Variants in GSAP observed in about 807,000 individuals in gnomAD.
GSAP encodes gamma-secretase activating protein.
In GSAP, 118 loss-of-function variants were observed where a neutral mutation model predicts 131.7. The ratio of observed to expected loss-of-function variants is 0.90; its 90% CI spans 0.77 to 1.04. The LOEUF is 1.04. GSAP is among the 50% of genes least tolerant of loss of function. GSAP has a pLI of 0.00. For synonymous variants in GSAP, 381 were observed against 363.4 expected (o/e 1.05, Z -0.55); for missense variants, 1,019 against 1,013.2 (o/e 1.01, Z -0.08).
intron 1 of GSAP, among the ~76,000 whole-genome samples, chr7:77,411,851 A>G (rs985612994): frequency 1.3e-5 from 2 of 152,226 alleles, no homozygotes; most frequent in African/African-American, 4.8e-5. Context: ...TTACCCTACC[A>G]GTTATCAATA....
chr7:77,381,407 A>T, intron 7 of GSAP, 53 bp from the exon 8 acceptor site: 1 of 912,640 alleles, frequency 1.1e-6, no homozygotes, highest in Non-Finnish European at 1.7e-6. Context: ...ATATATGAGT[A>T]CTATTTTTGC....
chr7:77,375,289 G>T (rs1336827153), intron 10 of GSAP, among the ~76,000 whole-genome samples, 188 bp from the exon 11 acceptor site: 1 of 152,116 alleles, frequency 6.6e-6, no homozygotes, highest in African/African-American at 2.4e-5. Context: ...AAATACTCTG[G>T]AATTTACATA....
chr7:77,348,319 T>C (rs1584408940), intron 19 of GSAP, among the ~76,000 whole-genome samples: 1 of 152,220 alleles, frequency 6.6e-6, no homozygotes, highest in East Asian at 1.9e-4. Flanking sequence ...CATCTTCATA[T>C]GTTAGTAGGA....
intron 22 of GSAP, 167 bp downstream of exon 22, chr7:77,328,439 C>T (rs1788625461): frequency 2.2e-6 from 3 of 1,348,706 alleles, no homozygotes; most frequent in African/African-American, 3.0e-5. Context: ...CCTAGACAGA[C>T]ATGGGAAGAG....
intron 19 of GSAP, among the ~76,000 whole-genome samples, chr7:77,343,743 G>C (rs918565308): frequency 7.2e-5 from 11 of 151,996 alleles, no homozygotes; most frequent in African/African-American, 2.7e-4. Context: ...AAGACAAATG[G>C]TTCTTAGACC....
intron 12 of GSAP, among the ~76,000 whole-genome samples, chr7:77,368,001 A>G (rs1184357506): frequency 1.3e-5 from 2 of 152,140 alleles, no homozygotes; most frequent in African/African-American, 4.8e-5. Flanking sequence ...AGGTGTTCTC[A>G]GTAGTTTCTG....
intron 26 of GSAP, among the ~76,000 whole-genome samples, chr7:77,317,628 C>T (rs1787036642): frequency 6.6e-6 from 1 of 152,106 alleles, no homozygotes; most frequent in African/African-American, 2.4e-5. Context: ...CTTTGTTTTC[C>T]CTCCTTATCA....
At chr7:77,380,210 C>T (rs1341652605) in intron 8 of GSAP, 2 of 152,216 alleles carry the variant, frequency 1.3e-5, no homozygotes, top group African/African-American at 4.8e-5. Context: ...ATGCTATCAA[C>T]TTAGACTCAT....
chr7:77,316,179 G>A (rs935334321), intron 26 of GSAP: 2 of 152,208 alleles, frequency 1.3e-5, no homozygotes, highest in Admixed American at 1.3e-4. Context: ...AGAAGCTATT[G>A]CCTGAACGTG....
chr7:77,397,623 T>C (rs1300694580), intron 3 of GSAP, among the ~76,000 whole-genome samples: 2 of 152,186 alleles, frequency 1.3e-5, no homozygotes, highest in Non-Finnish European at 2.9e-5. Context: ...GGCACCGATA[T>C]TTAGCCATGA....
intron 14 of GSAP, among the ~76,000 whole-genome samples, chr7:77,359,650 C>T (rs1274815347): frequency 6.6e-6 from 1 of 152,148 alleles, no homozygotes; most frequent in Non-Finnish European, 1.5e-5. Flanking sequence ...GGAAAGACAA[C>T]ATGTTTAAGA....
At chr7:77,392,372 TC>T (rs969450727) in intron 5 of GSAP, among the ~76,000 whole-genome samples, 5 of 151,538 alleles carry the variant, frequency 3.3e-5, no homozygotes, top group Admixed American at 2.0e-4. Flanking sequence ...ACATGACTAA[TC>T]CCCTCTCTGC....
Position 77,352,924 on chromosome 7 carries a change from CATA to C in GSAP, c.1491+17_1491+19del. On this transcript the variant is annotated intron_variant, in intron 18 of 30. Transcript: ENST00000257626. ...GTGAATTGATTTTATTTGCATACAGCATACACAGTGTTAACTTACTGTATTCCA... is the reference window on the plus strand; with the variant it reads ...GTGAATTGATTTTATTTGCATACAGCCACAGTGTTAACTTACTGTATTCCA... 1 of 1,356,096 alleles carries C rather than the reference CATA, an allele frequency of 7.4e-7. No homozygotes were observed. The highest frequency in any genetic ancestry group is 1.1e-6 in the Non-Finnish European group (1 of 945,588). 84.0% of individuals were successfully genotyped at this position (1,356,096 alleles called of 1,614,324 possible). A position where few individuals can be genotyped will look rare whatever the true frequency, so the allele number is the denominator to read the frequency against.
At chr7:77,332,684 A>C (rs1271763262) in intron 19 of GSAP, among the ~76,000 whole-genome samples, 2 of 152,248 alleles carry the variant, frequency 1.3e-5, no homozygotes, top group African/African-American at 4.8e-5. Flanking sequence ...ATTAAAATTT[A>C]CACTTAAGTA....
intron 1 of GSAP, among the ~76,000 whole-genome samples, chr7:77,414,605 G>A (rs902572818): frequency 1.4e-4 from 22 of 152,114 alleles, no homozygotes; most frequent in Non-Finnish European, 1.5e-4. Flanking sequence ...AGAGATGAGC[G>A]AAAGATACAA....
chr7:77,369,703 G>C (rs764203021), intron 12 of GSAP, among the ~76,000 whole-genome samples: 2 of 152,110 alleles, frequency 1.3e-5, no homozygotes, highest in Non-Finnish European at 2.9e-5. Context: ...TGCTATAGAG[G>C]GAGTCACATT....
In GSAP at chr7:77,353,610, G is replaced by C; in HGVS notation, c.1370C>G (p.Ala457Gly). The C allele has an allele frequency of 6.2e-7, 1 of 1,610,418 alleles. No homozygotes were observed. Among genetic ancestry groups the C allele is most frequent in the South Asian group, 1.1e-5 (1 of 90,916 alleles). Reference protein sequence around the residue: ...IIQWISENVSACHSFDLIQEF... With the variant: ...IIQWISENVSGCHSFDLIQEF... ...CTGAATGAGGTCAAATGAATGGCAG[G>C]CAGAGACATTCTCAGAAATCCACTG... is the stretch of plus-strand genomic sequence containing the variant. The change falls in exon 17 of 31, where the codon GCC becomes GGC. Residue 457 changes from alanine (A) to glycine (G), a missense_variant. Ala to Gly is a moderately conservative substitution (Grantham distance 60). Coordinates refer to ENST00000257626, the MANE Select transcript of GSAP (RefSeq NM_017439.4).
At chr7:77,336,750 A>G (rs1360506009) in intron 19 of GSAP, among the ~76,000 whole-genome samples, 1 of 152,160 alleles carries the variant, frequency 6.6e-6, no homozygotes, top group Admixed American at 6.5e-5. Flanking sequence ...GGCCTCCCAA[A>G]GTGACGGGAT....
chr7:77,357,034 T>C (rs1250312313), intron 14 of GSAP, among the ~76,000 whole-genome samples: 2 of 152,176 alleles, frequency 1.3e-5, no homozygotes, highest in East Asian at 3.9e-4. Context: ...ATGGAAAGGG[T>C]ATCGGCATCA....
Sources: gnomAD v4.1 joint callset for allele counts (sites outside exome capture counted in the v4.1 genomes callset) on GRCh38, gnomAD v4.1.1 for gene constraint, MANE v1.5 for transcripts, NCBI Gene and HGNC (gene_info 2026-07-23, HGNC 2026-07-21) for gene names.